HELZ2: variants seen among roughly 807,000 people sequenced by gnomAD.
The protein encoded by HELZ2 is 3'-5' exoribonuclease HELZ2.
In HELZ2, 143 loss-of-function variants were observed where a neutral mutation model predicts 208.8. The ratio of observed to expected loss-of-function variants is 0.68; its 90% CI spans 0.60 to 0.79. HELZ2 has a LOEUF of 0.79. HELZ2 is among the 30% of genes least tolerant of loss of function. The pLI, the probability that HELZ2 is intolerant of heterozygous loss-of-function variation, is 0.00. For synonymous variants in HELZ2, 1,705 were observed against 1,693.7 expected, an observed-to-expected ratio of 1.01 and a Z score of -0.16; for missense variants, 3,690 against 3,794.5, an observed-to-expected ratio of 0.97 and a Z score of 0.72.
chr20:63,572,211 A>C, exon 1 of HELZ2: 2 of 1,604,914 alleles, frequency 1.2e-6, no homozygotes, highest in Non-Finnish European at 1.7e-6. Context: ...GAGGATGCGC[A>C]GTGGTTCTCG....
intron 7 of HELZ2, 63 bp from the exon 9 acceptor site, chr20:63,566,294 T>G: frequency 6.7e-7 from 1 of 1,502,638 alleles, no homozygotes; most frequent in Non-Finnish European, 9.0e-7. Context: ...GCCCCACCCC[T>G]GCCGATGCCA....
Position 63,560,157 on chromosome 20 carries a change from G to A in HELZ2, c.7657+14C>T, listed in dbSNP as rs1410245524. 6.6e-7 allele frequency: 1 copy of A among 1,511,092 alleles called. No homozygotes were observed. The highest frequency in any genetic ancestry group is 8.9e-7 in the Non-Finnish European group (1 of 1,128,112). The allele number at this position is 1,511,092 out of a possible 1,614,324, so 93.6% of individuals were successfully genotyped here. The stretch of plus-strand genomic sequence containing the variant: ...CCCACCCTCCCGGCCCCACCCACGA[G>A]CCCCCAGCCTCACCCTGGCTCTTGG... On this transcript the variant is annotated intron_variant, in intron 17 of 18. Transcript: ENST00000467148.
chr20:63,570,647 A>ACCCCCCCCC, intron 2 of HELZ2, 36 bp from the exon 4 acceptor site: 2 of 1,497,370 alleles, frequency 1.3e-6, no homozygotes, highest in East Asian at 2.3e-5. Context: ...AGAGGCCTGG[A>ACCCCCCCCC]CCCCACCCCA....
chr20:63,562,461 GCAA>G, intron 8 of HELZ2, 56 bp downstream of exon 9: 1 of 1,518,716 alleles, frequency 6.6e-7, no homozygotes, highest in African/African-American at 1.4e-5. Context: ...CCCCCCTCCT[GCAA>G]GTGAGGGGCC....
exon 6 of HELZ2, chr20:63,567,229 C>G (rs114297966): frequency 1.2e-6 from 2 of 1,607,616 alleles, no homozygotes; most frequent in African/African-American, 2.7e-5. Context: ...CTCGGCCGCC[C>G]GGGCCCTGGC....
rs2082869975 is a variant in HELZ2, at chr20:63,560,164, G to T, written c.7657+7C>A. ...TCCCGGCCCCACCCACGAGCCCCCA[G>T]CCTCACCCTGGCTCTTGGTGATGGA... On this transcript the variant is annotated splice_region_variant and intron_variant, in intron 17 of 18. Transcript: ENST00000467148. 2 of 1,280,598 alleles carry T rather than the reference G, an allele frequency of 1.6e-6. No homozygotes were observed. Among genetic ancestry groups the T allele is most frequent in the African/African-American group, 1.6e-5 (1 of 62,594 alleles). 79.3% of individuals were successfully genotyped at this position (1,280,598 alleles called of 1,614,324 possible).
intron 3 of HELZ2, among the ~76,000 whole-genome samples, 170 bp from the exon 5 acceptor site, chr20:63,569,835 C>T (rs948118529): frequency 7.9e-5 from 12 of 152,234 alleles, no homozygotes; most frequent in African/African-American, 2.9e-4. Context: ...TCTTCCTGTG[C>T]TACATGGGGG....
chr20:63,561,117 G>C (rs764576989), exon 14 of HELZ2: 1 of 1,612,798 alleles, frequency 6.2e-7, no homozygotes. Flanking sequence ...AGGGGGATGA[G>C]GGTTTCAGGT....
At chr20:63,567,577 C>G (rs757176126) in exon 6 of HELZ2, 2 of 1,588,954 alleles carry the variant, frequency 1.3e-6, no homozygotes, top group Non-Finnish European at 1.7e-6. Flanking sequence ...CTCGGGGTGG[C>G]CGCCGCTGAC....
intron 1 of HELZ2, chr20:63,571,804 T>TGTGGTGGGCTCCTGC (rs1569038916): frequency 8.2e-6 from 1 of 121,516 alleles, no homozygotes; most frequent in Admixed American, 9.0e-5. Context: ...TGGCTCTGCC[T>TGTGGTGGGCTCCTGC]ACGGTGGGCT....
chr20:63,564,763 G>A (rs761526032), exon 8 of HELZ2: 7 of 1,611,936 alleles, frequency 4.3e-6, no homozygotes, highest in East Asian at 4.5e-5. Context: ...GGGCATCATC[G>A]AGGTTGCAGG....
At chr20:63,566,078 G>A in exon 8 of HELZ2, 1 of 1,587,026 alleles carries the variant, frequency 6.3e-7, no homozygotes, top group South Asian at 1.1e-5. Context: ...GAGGGCCACG[G>A]CGTCCCCCAC....
exon 8 of HELZ2, chr20:63,565,734 C>T (rs952559699): frequency 5.6e-6 from 9 of 1,604,110 alleles, no homozygotes; most frequent in East Asian, 2.2e-5. Flanking sequence ...TCTTCCTTCA[C>T]TGCGTCTCCT....
chr20:63,566,424 C>A (rs1235026787), exon 7 of HELZ2: 1 of 1,548,450 alleles, frequency 6.5e-7, no homozygotes, highest in East Asian at 2.4e-5. Context: ...CTAGGTCCCG[C>A]CTCCTCAGCT....
chr20:63,570,495 TC>T lies in HELZ2; in HGVS notation c.570+8del. ...TCCCTCCGCCCAGTCGGAGCTGTTC[TC>T]CGCTCACCTCAGAGTGGACGGCAAA... On this transcript the variant is annotated splice_region_variant and intron_variant, in intron 3 of 18. Coordinates refer to ENST00000467148, the Ensembl canonical transcript of HELZ2. 6.2e-7 allele frequency: 1 copy of T among 1,608,542 alleles called. No individual in the cohort carries two copies. Among genetic ancestry groups the T allele is most frequent in the South Asian group, 1.1e-5 (1 of 90,928 alleles).
rs200293582 is a variant in HELZ2 at position 63,561,232 on chromosome 20, G to C, written c.6996C>G (p.Asp2332Glu). The C allele has an allele frequency of 2.5e-6, 4 of 1,612,844 alleles. No homozygotes were observed. In the Admixed American group the frequency reaches 6.7e-5, roughly 27 times the overall value. The change falls in exon 14 of 19, where the codon GAC (aspartate) becomes GAG (glutamate). Residue 2332 changes from aspartate to glutamate, a missense_variant. By Grantham distance (45) the Asp-to-Glu change is conservative. Transcript: ENST00000467148. ...AGGTGCAGAGGATGACCTCATGCCGGTCCAGCTCGAACTTCCGAGCCTCCC... is the reference window on the plus strand; with the variant it reads ...AGGTGCAGAGGATGACCTCATGCCGCTCCAGCTCGAACTTCCGAGCCTCCC...
At chr20:63,559,134 G>C, downstream of HELZ2, 1 of 1,220,930 alleles carries the variant, frequency 8.2e-7, no homozygotes, top group South Asian at 1.6e-5. Flanking sequence ...GAGATCCTGA[G>C]GCCAGGAGGC....
At chr20:63,560,093 T>C (rs1473381755) in exon 18 of HELZ2, 7 of 1,592,304 alleles carry the variant, frequency 4.4e-6, no homozygotes, top group Non-Finnish European at 4.3e-6. Flanking sequence ...CGCCACTCGC[T>C]CCCTGCGGGA....
exon 8 of HELZ2, chr20:63,565,726 T>C (rs1174905689): frequency 1.2e-6 from 2 of 1,605,376 alleles, no homozygotes; most frequent in East Asian, 2.2e-5. Flanking sequence ...GCACCACGTC[T>C]TCCTTCACTG....
Sources: allele counts gnomAD v4.1 joint callset (sites outside exome capture counted in the v4.1 genomes callset), GRCh38; gene constraint gnomAD v4.1.1; transcripts MANE v1.5; gene names NCBI Gene and HGNC (gene_info 2026-07-23, HGNC 2026-07-21).